ANO1: variants seen among roughly 807,000 people sequenced by gnomAD.
ANO1 encodes the protein anoctamin 1, also known as anoctamin-1.
In ANO1, 59 loss-of-function variants were observed where a neutral mutation model predicts 124.0. The observed-to-expected ratio is 0.48, with a 90% confidence interval of 0.39 to 0.59. The LOEUF (loss-of-function observed/expected upper bound fraction) is 0.59, where lower values mean the gene tolerates loss of function less well. Ranked by LOEUF, ANO1 falls within the 20% of genes least tolerant of loss-of-function variation. The probability of loss-of-function intolerance (pLI) is 0.00; values close to 1 mark genes in which losing one functional copy is unlikely to be tolerated. For missense variants in ANO1, 1,059 were observed against 1,328.0 expected (o/e 0.80, Z 3.15); for synonymous variants, 529 against 532.0 (o/e 0.99, Z 0.08).
At chr11:70,139,282 G>T (rs866035387) in intron 11 of ANO1, among the ~76,000 whole-genome samples, 1 of 151,772 alleles carries the variant, frequency 6.6e-6, no homozygotes, top group African/African-American at 2.4e-5. Flanking sequence ...TCAGCCTCCC[G>T]AGTAGCTGGC....
At chr11:69,980,546 AG>A in the ANO1 span, among the ~76,000 whole-genome samples, 1 of 151,502 alleles carries the variant, frequency 6.6e-6, no homozygotes, top group Non-Finnish European at 1.5e-5. Flanking sequence ...GCGTGAACCC[AG>A]GAGGCAGAGC....
chr11:70,103,679 G>A (rs558597189), intron 3 of ANO1, among the ~76,000 whole-genome samples: 1 of 152,272 alleles, frequency 6.6e-6, no homozygotes, highest in South Asian at 2.1e-4. Context: ...GGGTGAAGCC[G>A]GGCTAGGTAG....
chr11:70,118,455 C>A (rs928153298), intron 8 of ANO1, among the ~76,000 whole-genome samples: 1 of 152,202 alleles, frequency 6.6e-6, no homozygotes, highest in South Asian at 2.1e-4. Flanking sequence ...CAAGGCCTGG[C>A]CCATGGGGGT....
Position 70,182,819 on chromosome 11 carries a change from A to G in ANO1, c.2588+133A>G, listed in dbSNP as rs374464079. 15 of 911,598 alleles carry G rather than the reference A, an allele frequency of 1.6e-5. No individual in the cohort carries two copies. The African/African-American group carries it at 2.6e-4, about 16-fold the overall frequency. 56.5% of individuals were successfully genotyped at this position (911,598 alleles called of 1,614,324 possible). On this transcript the variant is annotated intron_variant, in intron 24 of 25. Coordinates refer to ENST00000355303, the MANE Select transcript of ANO1 (RefSeq NM_018043.7). Reference sequence around the variant, plus strand: ...CTTGCTTAAAAAGAAGAAGAAGGAAAAAAAAAAAGGCTGGTGCAGTGGCTC... The same window carrying G: ...CTTGCTTAAAAAGAAGAAGAAGGAAGAAAAAAAAGGCTGGTGCAGTGGCTC...
At chr11:70,178,063 C>T (rs2048794651) in intron 22 of ANO1, among the ~76,000 whole-genome samples, 1 of 152,230 alleles carries the variant, frequency 6.6e-6, no homozygotes, top group Non-Finnish European at 1.5e-5. Flanking sequence ...GCTTTCTGCA[C>T]TCGTGCAGTC....
intron 2 of ANO1, among the ~76,000 whole-genome samples, chr11:70,096,536 T>G (rs1302169547): frequency 6.6e-6 from 1 of 152,130 alleles, no homozygotes; most frequent in East Asian, 1.9e-4. Flanking sequence ...TGTGTGCTCC[T>G]TGTGAGAATC....
intron 1 of ANO1, among the ~76,000 whole-genome samples, chr11:69,988,081 G>A (rs78764407): frequency 0.065 from 9,843 of 152,230 alleles, 549 homozygotes; most frequent in African/African-American, 0.15. Flanking sequence ...CCATTCCACC[G>A]CAGTAGGCAT....
chr11:70,026,496 CAAT>C (rs1856911182), intron 1 of ANO1, among the ~76,000 whole-genome samples: 1 of 128,024 alleles, frequency 7.8e-6, no homozygotes, highest in South Asian at 2.6e-4. Flanking sequence ...ATGCTGGTGA[CAAT>C]GATGATGATG....
intron 11 of ANO1, 52 bp downstream of exon 11, chr11:70,132,131 G>C: frequency 6.6e-7 from 1 of 1,518,784 alleles, no homozygotes; most frequent in Non-Finnish European, 8.8e-7. Context: ...AGTCTGAGTG[G>C]TACCTAGGCT....
chr11:70,116,590 C>A, intron 8 of ANO1, 91 bp downstream of exon 8: 2 of 1,375,238 alleles, frequency 1.5e-6, no homozygotes, highest in Non-Finnish European at 2.0e-6. Flanking sequence ...CGAGGACTTA[C>A]CGGCCTCCAG....
rs116559373 is a variant in ANO1, at chr11:70,123,044, C to T, written c.898-1306C>T. On this transcript the variant is annotated intron_variant, in intron 8 of 25. Coordinates refer to ENST00000355303, the MANE Select transcript of ANO1 (RefSeq NM_018043.7). ...CTGTACCTTTCGCACATCACTAACT[C>T]GCATGAGCCCATCTGCCTTCTCTCC... 7.6e-3 allele frequency among the ~76,000 whole-genome samples: 1,162 copies of T among 152,308 alleles called. 16 individuals carry two copies. Among genetic ancestry groups the T allele is most frequent in the African/African-American group, 0.027 (1,116 of 41,574 alleles).
At chr11:70,091,702 G>A (rs2044631548) in intron 2 of ANO1, among the ~76,000 whole-genome samples, 1 of 152,214 alleles carries the variant, frequency 6.6e-6, no homozygotes, top group African/African-American at 2.4e-5. Context: ...GGAGGCCACT[G>A]GCTGTGCAGG....
chr11:70,123,312 G>A (rs1179445357), intron 8 of ANO1, among the ~76,000 whole-genome samples: 1 of 152,212 alleles, frequency 6.6e-6, no homozygotes, highest in Non-Finnish European at 1.5e-5. Context: ...TGTGAGTTTG[G>A]GTGGGGGCAG....
At chr11:70,047,385 T>C (rs992948522) in intron 1 of ANO1, among the ~76,000 whole-genome samples, 1 of 152,184 alleles carries the variant, frequency 6.6e-6, no homozygotes, top group African/African-American at 2.4e-5. Context: ...GAATTATGGC[T>C]ACAATAGATT....
At chr11:70,052,551 T>C (rs1251017213) in intron 1 of ANO1, among the ~76,000 whole-genome samples, 2 of 75,574 alleles carry the variant, frequency 2.6e-5, no homozygotes, top group African/African-American at 1.0e-4. Context: ...TTTTTTTTTT[T>C]TTTTTTTTTT....
intron 1 of ANO1, among the ~76,000 whole-genome samples, chr11:70,068,717 G>A (rs11602867): frequency 3.9e-5 from 6 of 152,100 alleles, no homozygotes; most frequent in African/African-American, 1.2e-4. Flanking sequence ...GGGCTCTCTC[G>A]CTGGCACGCC....
At chr11:70,110,894 G>T (rs559619483) in intron 6 of ANO1, among the ~76,000 whole-genome samples, 1 of 152,234 alleles carries the variant, frequency 6.6e-6, no homozygotes, top group African/African-American at 2.4e-5. Context: ...TCCTGGGGCT[G>T]GGCGCCCGCA....
chr11:70,020,406 C>T (rs1273794613), intron 1 of ANO1, among the ~76,000 whole-genome samples: 5 of 152,194 alleles, frequency 3.3e-5, no homozygotes, highest in Non-Finnish European at 5.9e-5. Flanking sequence ...CACCCTCTTG[C>T]CAGATGCCTT....
chr11:70,078,921 A>G (rs1268522571), intron 1 of ANO1, among the ~76,000 whole-genome samples: 2 of 151,472 alleles, frequency 1.3e-5, no homozygotes, highest in Non-Finnish European at 2.9e-5. Context: ...CTGCGCTCTG[A>G]GCGTTCCGAG....
Sources: allele counts gnomAD v4.1 joint callset (sites outside exome capture counted in the v4.1 genomes callset), GRCh38; gene constraint gnomAD v4.1.1; transcripts MANE v1.5; gene names NCBI Gene and HGNC (gene_info 2026-07-23, HGNC 2026-07-21).